PRELID2: variants seen among roughly 807,000 people sequenced by gnomAD.
PRELID2 encodes the protein PRELI domain containing 2.
Under a neutral mutation model 28.4 loss-of-function variants are expected in PRELID2, and 25 were observed. The ratio of observed to expected loss-of-function variants is 0.88; its 90% CI spans 0.64 to 1.23. The LOEUF (loss-of-function observed/expected upper bound fraction) is 1.23, where lower values mean the gene tolerates loss of function less well. PRELID2 is among the 50% of genes most tolerant of loss of function. PRELID2 has a pLI of 0.00. For missense variants in PRELID2, 201 were observed against 214.4 expected, an observed-to-expected ratio of 0.94 and a Z score of 0.39; for synonymous variants, 76 against 71.6, an observed-to-expected ratio of 1.06 and a Z score of -0.31.
chr5:145,707,053 A>T (rs774453390), intron 1 of PRELID2, among the ~76,000 whole-genome samples: 1 of 152,224 alleles, frequency 6.6e-6, no homozygotes, highest in Non-Finnish European at 1.5e-5. Flanking sequence ...TTCAGATTCA[A>T]AGGAAATGAG....
the PRELID2 span, among the ~76,000 whole-genome samples, chr5:145,418,558 A>G: frequency 2.6e-5 from 4 of 152,116 alleles, no homozygotes; most frequent in Admixed American, 6.5e-5. Context: ...GCATAGACCA[A>G]TGGAAAAGAA....
the PRELID2 span, among the ~76,000 whole-genome samples, chr5:145,327,394 G>GT: frequency 6.6e-6 from 1 of 152,016 alleles, no homozygotes; most frequent in African/African-American, 2.4e-5. Context: ...TCTTGTGACA[G>GT]TTCTTAAAGT....
intron 1 of PRELID2, among the ~76,000 whole-genome samples, chr5:145,736,019 C>G (rs1471841164): frequency 6.6e-6 from 1 of 152,296 alleles, no homozygotes; most frequent in Non-Finnish European, 1.5e-5. Flanking sequence ...CAGGACCTCT[C>G]ATCACTGCCT....
intron 1 of PRELID2, among the ~76,000 whole-genome samples, chr5:145,673,839 C>T (rs1754760226): frequency 6.6e-6 from 1 of 152,042 alleles, no homozygotes; most frequent in South Asian, 2.1e-4. Context: ...AATAATAACA[C>T]CCAAGTAAAA....
At chr5:145,814,870 A>G (rs1561641014) in intron 4 of PRELID2, among the ~76,000 whole-genome samples, 1 of 152,256 alleles carries the variant, frequency 6.6e-6, no homozygotes, top group Non-Finnish European at 1.5e-5. Flanking sequence ...AAGCATGTGA[A>G]TAAGTGCTGA....
chr5:145,558,554 A>G (rs564807923), intron 1 of PRELID2, among the ~76,000 whole-genome samples: 103 of 152,322 alleles, frequency 6.8e-4, no homozygotes, highest in South Asian at 1.2e-3. Flanking sequence ...GAATTCTCCA[A>G]GCAGCTTTAG....
chr5:145,740,697 T>C (rs1581121868), intron 1 of PRELID2, among the ~76,000 whole-genome samples: 1 of 114,996 alleles, frequency 8.7e-6, no homozygotes, highest in South Asian at 2.6e-4. Flanking sequence ...ATATATTATT[T>C]ATATTAAATA....
chr5:145,289,440 C>T, the PRELID2 span, among the ~76,000 whole-genome samples: 3 of 152,094 alleles, frequency 2.0e-5, no homozygotes, highest in African/African-American at 7.2e-5. Context: ...AACTCATTTC[C>T]TCTTATTGCT....
chr5:145,645,892 A>G (rs1754188262), intron 1 of PRELID2, among the ~76,000 whole-genome samples: 1 of 152,198 alleles, frequency 6.6e-6, no homozygotes, highest in South Asian at 2.1e-4. Flanking sequence ...GTTTCTGCAG[A>G]AAAGATCCGC....
intron 1 of PRELID2, among the ~76,000 whole-genome samples, chr5:145,721,345 T>C (rs1458526541): frequency 1.3e-5 from 2 of 152,216 alleles, no homozygotes; most frequent in South Asian, 2.1e-4. Flanking sequence ...AGCTATTGTA[T>C]AGATCAAGGG....
the PRELID2 span, among the ~76,000 whole-genome samples, chr5:145,311,979 A>G: frequency 6.6e-6 from 1 of 152,166 alleles, no homozygotes; most frequent in African/African-American, 2.4e-5. Flanking sequence ...TACACTGTGA[A>G]ATGATTAATC....
At chr5:145,427,389 C>T in the PRELID2 span, among the ~76,000 whole-genome samples, 3 of 152,350 alleles carry the variant, frequency 2.0e-5, no homozygotes, top group East Asian at 3.9e-4. Context: ...CTCCCCTCAA[C>T]TCTGTATCCC....
At chr5:145,794,216 GC>G (rs1752585617) in intron 5 of PRELID2, among the ~76,000 whole-genome samples, 1 of 152,114 alleles carries the variant, frequency 6.6e-6, no homozygotes, top group South Asian at 2.1e-4. Context: ...ACAGACAAGA[GC>G]TGAAGAAGGA....
chr5:145,424,877 A>G, the PRELID2 span, among the ~76,000 whole-genome samples: 1 of 152,258 alleles, frequency 6.6e-6, no homozygotes, highest in Admixed American at 6.5e-5. Context: ...TTTCATGATA[A>G]AAATGCCAAA....
At chr5:145,746,826 A>C (rs979220342) in intron 1 of PRELID2, among the ~76,000 whole-genome samples, 1 of 152,210 alleles carries the variant, frequency 6.6e-6, no homozygotes, top group South Asian at 2.1e-4. Flanking sequence ...AAATCATAAC[A>C]AACTGTCTCT....
chr5:145,422,910 A>G, the PRELID2 span, among the ~76,000 whole-genome samples: 1 of 150,776 alleles, frequency 6.6e-6, no homozygotes, highest in Non-Finnish European at 1.5e-5. Context: ...TTCCTTCAAG[A>G]GCTCTTGTAA....
At chr5:145,742,057 AATTT>A (rs1561569008) in intron 1 of PRELID2, among the ~76,000 whole-genome samples, 2 of 107,534 alleles carry the variant, frequency 1.9e-5, no homozygotes, top group Non-Finnish European at 3.5e-5. Flanking sequence ...AAATTTTATT[AATTT>A]ATTTATAATT....
chr5:145,410,685 T>C, the PRELID2 span, among the ~76,000 whole-genome samples: 3 of 152,110 alleles, frequency 2.0e-5, no homozygotes, highest in African/African-American at 7.2e-5. Flanking sequence ...TTCAGTTATC[T>C]CTACCTGGTC....
chr5:145,662,822 T>C (rs1754520458), intron 1 of PRELID2, among the ~76,000 whole-genome samples: 1 of 152,090 alleles, frequency 6.6e-6, no homozygotes, highest in Admixed American at 6.6e-5. Flanking sequence ...ACCCTTTGAC[T>C]TCTCAGCCTC....
Sources: allele counts gnomAD v4.1 joint callset (sites outside exome capture counted in the v4.1 genomes callset), GRCh38; gene constraint gnomAD v4.1.1; transcripts MANE v1.5; gene names NCBI Gene and HGNC (gene_info 2026-07-23, HGNC 2026-07-21).